FAM149B1: variants seen among roughly 807,000 people sequenced by gnomAD.
FAM149B1 encodes family with sequence similarity 149 member B1.
A neutral mutation model predicts 75.3 loss-of-function variants in FAM149B1; 56 were observed. The observed-to-expected ratio is 0.74, with a 90% confidence interval of 0.60 to 0.93. FAM149B1 has a LOEUF of 0.93. Ranked by LOEUF, FAM149B1 falls within the 40% of genes least tolerant of loss-of-function variation. The probability of loss-of-function intolerance (pLI) is 0.00; values close to 1 mark genes in which losing one functional copy is unlikely to be tolerated. For synonymous variants in FAM149B1, 259 were observed against 256.1 expected (o/e 1.01, Z -0.11); for missense variants, 639 against 708.4 (o/e 0.90, Z 1.11).
At chr10:73,181,584 G>A (rs1371109767) in intron 3 of FAM149B1, among the ~76,000 whole-genome samples, 1 of 152,090 alleles carries the variant, frequency 6.6e-6, no homozygotes, top group East Asian at 1.9e-4. Context: ...TTAATTTCTA[G>A]TTTTGTTCCA....
In FAM149B1 at chr10:73,174,803, A is replaced by T. The variant is rs1341124409; in HGVS notation, c.152+12A>T. 34 of 1,509,334 alleles carry T rather than the reference A, an allele frequency of 2.3e-5. No individual in the cohort carries two copies. Among genetic ancestry groups the T allele is most frequent in the Middle Eastern group, 1.7e-4 (1 of 5,902 alleles). 93.5% of individuals were successfully genotyped at this position (1,509,334 alleles called of 1,614,324 possible). ...ACAAGTTCCCAAAGGTAATAACACA[A>T]AGTGTACTTGTTTACTTATTGCACT... is the stretch of plus-strand genomic sequence containing the variant. On this transcript the variant is annotated intron_variant, in intron 2 of 13. Transcript: ENST00000242505.
intron 7 of FAM149B1, among the ~76,000 whole-genome samples, chr10:73,212,567 C>G (rs767494192): frequency 6.6e-6 from 1 of 151,802 alleles, no homozygotes; most frequent in African/African-American, 2.4e-5. Flanking sequence ...TGAGCCACTG[C>G]GCCTGGCTGT....
rs1371200917 is a variant in FAM149B1, at chr10:73,171,393, T to A, written c.47+3007T>A. Among the ~76,000 whole-genome samples the A allele has an allele frequency of 3.9e-5, 6 of 152,208 alleles. No homozygotes were observed. In the South Asian group the frequency reaches 8.3e-4, roughly 21 times the overall value. ...GCAATTTTTACTTTAGATGTTATAA[T>A]AATGATAACCTGCTTTGAAGCCGTA... On this transcript the variant is annotated intron_variant, in intron 1 of 13. Coordinates refer to ENST00000242505, the MANE Select transcript of FAM149B1 (RefSeq NM_173348.2).
Position 73,241,459 on chromosome 10 carries a change from T to A in FAM149B1, c.*440T>A, listed in dbSNP as rs1385997679. 2 of 174,978 alleles carry A rather than the reference T, an allele frequency of 1.1e-5. No individual in the cohort carries two copies. Among genetic ancestry groups the A allele is most frequent in the Admixed American group, 1.1e-4 (2 of 18,016 alleles). 10.8% of individuals were successfully genotyped at this position (174,978 alleles called of 1,614,324 possible). ...CTGGAGAGTTGTACTCAGTTTTAAGTCATTTTGCTGTTGAAAATCTGACCT... is the reference window on the plus strand; with the variant it reads ...CTGGAGAGTTGTACTCAGTTTTAAGACATTTTGCTGTTGAAAATCTGACCT... On this transcript the variant is annotated 3_prime_UTR_variant, in exon 14 of 14. Coordinates refer to ENST00000242505, the MANE Select transcript of FAM149B1 (RefSeq NM_173348.2).
intron 5 of FAM149B1, among the ~76,000 whole-genome samples, chr10:73,204,206 C>T (rs2042999074): frequency 6.6e-6 from 1 of 151,860 alleles, no homozygotes; most frequent in Non-Finnish European, 1.5e-5. Context: ...CTCACTGCAA[C>T]CTCCACCCCA....
rs2042714201 is a variant in FAM149B1, at chr10:73,192,721, T to G, written c.425+23T>G. 2.0e-6 allele frequency: 3 copies of G among 1,502,196 alleles called. No individual in the cohort carries two copies. The South Asian group carries it at 4.0e-5, about 20-fold the overall frequency. The allele number at this position is 1,502,196 out of a possible 1,614,324, so 93.1% of individuals were successfully genotyped here. On this transcript the variant is annotated intron_variant, in intron 4 of 13. Coordinates refer to ENST00000242505, the MANE Select transcript of FAM149B1 (RefSeq NM_173348.2). ...CAGGTACTGAAGCCCTCCAGTTGAC[T>G]TGTATTCATGGCTAATACTAAAATT... is the stretch of plus-strand genomic sequence containing the variant.
intron 5 of FAM149B1, among the ~76,000 whole-genome samples, chr10:73,207,283 G>C (rs1214574695): frequency 6.6e-6 from 1 of 151,632 alleles, no homozygotes; most frequent in Non-Finnish European, 1.5e-5. Flanking sequence ...AGGCATTCAG[G>C]CCAGGTGCAG....
chr10:73,237,421 CTTTT>C (rs539055192), intron 12 of FAM149B1, among the ~76,000 whole-genome samples: 1 of 145,862 alleles, frequency 6.9e-6, no homozygotes, highest in Non-Finnish European at 1.5e-5. Context: ...TTCTCTGAAA[CTTTT>C]TTTTTTTTTG....
intron 3 of FAM149B1, among the ~76,000 whole-genome samples, chr10:73,188,446 G>T (rs189814027): frequency 1.3e-5 from 2 of 152,120 alleles, no homozygotes; most frequent in Non-Finnish European, 2.9e-5. Flanking sequence ...CATAAGCTAC[G>T]AAAATGGATA....
chr10:73,228,203 A>C lies in FAM149B1; in HGVS notation c.1023+19A>C. 5.2e-6 allele frequency: 8 copies of C among 1,551,234 alleles called. No homozygotes were observed. Among genetic ancestry groups the C allele is most frequent in the Non-Finnish European group, 7.0e-6 (8 of 1,146,562 alleles). ...AAATCCGGTAAGCCCCAGAGGGATC[A>C]GTTGGAGACCCCAGGGCTACTCTCA... On this transcript the variant is annotated intron_variant, in intron 8 of 13. Coordinates refer to ENST00000242505, the MANE Select transcript of FAM149B1 (RefSeq NM_173348.2).
chr10:73,235,153 AT>A, intron 11 of FAM149B1, 39 bp from the exon 12 acceptor site: 1 of 1,548,604 alleles, frequency 6.5e-7, no homozygotes, highest in Non-Finnish European at 8.7e-7. Context: ...CACATTACAG[AT>A]AGTTTTCACT....
At chr10:73,216,646 T>C (rs974654689) in intron 7 of FAM149B1, among the ~76,000 whole-genome samples, 4 of 152,158 alleles carry the variant, frequency 2.6e-5, no homozygotes, top group African/African-American at 7.2e-5. Context: ...CAGCAGCCTA[T>C]ACCAGGGAAT....
At chr10:73,183,517 T>A (rs1442661707) in intron 3 of FAM149B1, 1 of 152,174 alleles carries the variant, frequency 6.6e-6, no homozygotes, top group Non-Finnish European at 1.5e-5. Flanking sequence ...TTCCAAAAAG[T>A]ATAAGGAATA....
At position 73,244,128 on chromosome 10, in the gene FAM149B1, C is replaced by A; in HGVS notation, c.*3109C>A. The A allele has an allele frequency of 1.8e-6, 1 of 566,360 alleles. No homozygotes were observed. Among genetic ancestry groups the A allele is most frequent in the East Asian group, 3.1e-5 (1 of 32,214 alleles). 35.1% of individuals were successfully genotyped at this position (566,360 alleles called of 1,614,324 possible). A position where few individuals can be genotyped will look rare whatever the true frequency, so the allele number is the denominator to read the frequency against. On this transcript the variant is annotated 3_prime_UTR_variant, in exon 14 of 14. Transcript: ENST00000242505. ...GCAGTAGATCCTCTGATTCCAATTA[C>A]CATTTGTTTTTTACCCAATTCTATT... is the stretch of plus-strand genomic sequence containing the variant.
chr10:73,189,458 T>C (rs1347556568), intron 3 of FAM149B1, among the ~76,000 whole-genome samples: 1 of 152,190 alleles, frequency 6.6e-6, no homozygotes, highest in Non-Finnish European at 1.5e-5. Flanking sequence ...GCTTTATTCA[T>C]AACAAACAAT....
intron 7 of FAM149B1, among the ~76,000 whole-genome samples, chr10:73,220,613 C>T (rs1029352553): frequency 6.6e-6 from 1 of 152,172 alleles, no homozygotes; most frequent in Non-Finnish European, 1.5e-5. Context: ...CCCTAACCCC[C>T]AAAGTGACTG....
rs1234971605 is a variant in FAM149B1, at chr10:73,223,314, A to G, written c.899-4746A>G. 2.0e-5 allele frequency among the ~76,000 whole-genome samples: 3 copies of G among 152,160 alleles called. No homozygotes were observed. In the East Asian group the frequency reaches 5.8e-4, roughly 29 times the overall value. On this transcript the variant is annotated intron_variant, in intron 7 of 13. Coordinates refer to ENST00000242505, the MANE Select transcript of FAM149B1 (RefSeq NM_173348.2). ...TTTTGTAAGAATGGATTCATATAGT[A>G]TATACCCTTATGCATCTGGCTTCTT...
chr10:73,191,062 C>T (rs189781568), intron 3 of FAM149B1, among the ~76,000 whole-genome samples: 22 of 152,192 alleles, frequency 1.4e-4, no homozygotes, highest in African/African-American at 4.6e-4. Context: ...TTTTTTGAGA[C>T]GGAGTTTTGC....
chr10:73,175,672 A>C (rs943988893), intron 2 of FAM149B1, among the ~76,000 whole-genome samples: 4 of 148,268 alleles, frequency 2.7e-5, no homozygotes, highest in African/African-American at 9.8e-5. Context: ...TCCTTCTCAA[A>C]AAAAAAAAAA....
Sources: gnomAD v4.1 joint callset for allele counts (sites outside exome capture counted in the v4.1 genomes callset) on GRCh38, gnomAD v4.1.1 for gene constraint, MANE v1.5 for transcripts, NCBI Gene and HGNC (gene_info 2026-07-23, HGNC 2026-07-21) for gene names.